The following ADGB variants were observed in gnomAD, a reference collection of about 807,000 sequenced individuals.
ADGB encodes the protein calpain-7-like protein.
A neutral mutation model predicts 210.5 loss-of-function variants in ADGB; 172 were observed. The observed-to-expected ratio is 0.82, with a 90% CI of 0.72 to 0.93. The LOEUF (loss-of-function observed/expected upper bound fraction) is 0.93. Ranked by LOEUF, ADGB falls within the 40% of genes least tolerant of loss-of-function variation. The pLI is 0.00. For synonymous variants in ADGB, 658 were observed against 662.7 expected (o/e 0.99, Z 0.11); for missense variants, 2,025 against 1,964.8 (o/e 1.03, Z -0.58).
chr6:146,711,231 C>A (rs953286887), intron 13 of ADGB, among the ~76,000 whole-genome samples: 1 of 152,208 alleles, frequency 6.6e-6, no homozygotes, highest in Non-Finnish European at 1.5e-5. Flanking sequence ...AATTACTGCA[C>A]TTTTTCCTTT....
chr6:146,612,541 C>T (rs1360057470), intron 1 of ADGB, among the ~76,000 whole-genome samples: 1 of 152,174 alleles, frequency 6.6e-6, no homozygotes, highest in African/African-American at 2.4e-5. Flanking sequence ...AGTTGTTCAC[C>T]TTGGCTCCAC....
intron 5 of ADGB, among the ~76,000 whole-genome samples, chr6:146,663,009 A>G (rs1481208306): frequency 6.9e-6 from 1 of 145,302 alleles, no homozygotes; most frequent in African/African-American, 2.5e-5. Flanking sequence ...TCTTAATAAT[A>G]TATATCTTCA....
At chr6:146,637,351 G>A (rs750892657) in intron 2 of ADGB, among the ~76,000 whole-genome samples, 1 of 151,760 alleles carries the variant, frequency 6.6e-6, no homozygotes, top group Non-Finnish European at 1.5e-5. Context: ...AAAACCCCAG[G>A]GCTAATGGCA....
At chr6:146,635,232 G>A (rs1583568015) in intron 1 of ADGB, 143 bp from the exon 2 acceptor site, 9 of 673,064 alleles carry the variant, frequency 1.3e-5, no homozygotes, top group Non-Finnish European at 1.1e-5. Flanking sequence ...TGTAGAAGTT[G>A]CCTAGCCACA....
At chr6:146,727,019 G>T (rs894590422) in intron 19 of ADGB, among the ~76,000 whole-genome samples, 5 of 151,862 alleles carry the variant, frequency 3.3e-5, no homozygotes, top group Admixed American at 2.6e-4. Flanking sequence ...TTCTGACGGG[G>T]TCTGAAAGAA....
chr6:146,690,145 G>A (rs1776282527), intron 10 of ADGB, among the ~76,000 whole-genome samples: 1 of 152,038 alleles, frequency 6.6e-6, no homozygotes, highest in Non-Finnish European at 1.5e-5. Flanking sequence ...TCCTACCTCG[G>A]GGCAGATTGA....
intron 9 of ADGB, among the ~76,000 whole-genome samples, chr6:146,676,942 A>G (rs1776094482): frequency 1.3e-5 from 2 of 152,166 alleles, no homozygotes; most frequent in African/African-American, 4.8e-5. Flanking sequence ...TGTGTATCGC[A>G]TTGTGACTGG....
intron 2 of ADGB, among the ~76,000 whole-genome samples, chr6:146,644,095 G>T (rs944333849): frequency 3.3e-5 from 5 of 151,742 alleles, no homozygotes; most frequent in South Asian, 2.1e-4. Flanking sequence ...AAAAGCATAG[G>T]AATGGTACTT....
At chr6:146,630,308 A>G (rs1781042430) in intron 1 of ADGB, among the ~76,000 whole-genome samples, 1 of 152,150 alleles carries the variant, frequency 6.6e-6, no homozygotes, top group Admixed American at 6.5e-5. Flanking sequence ...TTGTAGTCCT[A>G]AATACTTGGA....
intron 13 of ADGB, among the ~76,000 whole-genome samples, chr6:146,715,114 CTT>C (rs1287682914): frequency 6.6e-6 from 1 of 152,116 alleles, no homozygotes. Context: ...TAATTTAACT[CTT>C]GTTACAAGAT....
chr6:146,687,841 T>C (rs1271085146), intron 10 of ADGB, among the ~76,000 whole-genome samples: 1 of 152,080 alleles, frequency 6.6e-6, no homozygotes, highest in Admixed American at 6.6e-5. Context: ...GTCTGAGAAG[T>C]ATTCAAACCC....
intron 16 of ADGB, among the ~76,000 whole-genome samples, chr6:146,721,048 G>T (rs1181107934): frequency 6.6e-6 from 1 of 152,070 alleles, no homozygotes; most frequent in Non-Finnish European, 1.5e-5. Flanking sequence ...TGGCCTTCCT[G>T]CCCATCAAAG....
chr6:146,785,029 T>C (rs1777854214), intron 31 of ADGB, among the ~76,000 whole-genome samples: 1 of 152,168 alleles, frequency 6.6e-6, no homozygotes, highest in African/African-American at 2.4e-5. Context: ...GTACCAATTA[T>C]AGGCCCACAC....
intron 33 of ADGB, among the ~76,000 whole-genome samples, chr6:146,794,683 C>T (rs1432120349): frequency 6.6e-6 from 1 of 151,576 alleles, no homozygotes; most frequent in Non-Finnish European, 1.5e-5. Flanking sequence ...TTGACACATC[C>T]TCTCCCAAAA....
rs1778158702 is a variant in ADGB, at chr6:146,803,233, AC to A, written c.4818+1223del. Reference sequence around the variant, plus strand: ...ACATTCAATCTCATATTCCTGCTGAACAAAACTTGGACCATTGTTTCATGGT... The same window carrying A: ...ACATTCAATCTCATATTCCTGCTGAAAAAACTTGGACCATTGTTTCATGGT... On this transcript the variant is annotated intron_variant, in intron 35 of 35. Transcript: ENST00000397944. The A allele has an allele frequency of 2.6e-6, 4 of 1,562,682 alleles. No homozygotes were observed. In the Admixed American group the frequency reaches 6.7e-5, roughly 26 times the overall value.
chr6:146,732,055 C>G (rs1433781801), intron 20 of ADGB, among the ~76,000 whole-genome samples: 3 of 152,142 alleles, frequency 2.0e-5, no homozygotes, highest in Non-Finnish European at 4.4e-5. Flanking sequence ...AACCGAGCCT[C>G]CTATGTGTCA....
intron 2 of ADGB, among the ~76,000 whole-genome samples, chr6:146,635,787 A>G (rs1009610585): frequency 6.6e-6 from 1 of 152,096 alleles, no homozygotes; most frequent in African/African-American, 2.4e-5. Flanking sequence ...ATAATGATAT[A>G]AAGGAAAAAT....
At chr6:146,781,988 A>G (rs888564769) in intron 29 of ADGB, 32 bp from the exon 30 acceptor site, 2 of 1,412,028 alleles carry the variant, frequency 1.4e-6, no homozygotes, top group Non-Finnish European at 1.8e-6. Context: ...TTATATTATG[A>G]CTCACCATTT....
intron 7 of ADGB, 92 bp from the exon 8 acceptor site, chr6:146,672,128 G>A: frequency 1.4e-6 from 2 of 1,379,814 alleles, no homozygotes; most frequent in Non-Finnish European, 1.9e-6. Context: ...TCATTAAATA[G>A]CAAGTTGATT....
Sources: allele counts gnomAD v4.1 joint callset (sites outside exome capture counted in the v4.1 genomes callset), GRCh38; gene constraint gnomAD v4.1.1; transcripts MANE v1.5; gene names NCBI Gene and HGNC (gene_info 2026-07-23, HGNC 2026-07-21).